Variants in USP9X observed in about 807,000 individuals in gnomAD.
USP9X encodes ubiquitin carboxyl-terminal hydrolase 9X.
Under a neutral mutation model 190.3 loss-of-function variants are expected in USP9X, and 7 were observed. The observed-to-expected ratio is 0.04, with a 90% CI of 0.02 to 0.07. The LOEUF (loss-of-function observed/expected upper bound fraction) is 0.07. Among genes scored for constraint, USP9X ranks in the 10% least tolerant of loss-of-function variants. The probability of loss-of-function intolerance (pLI) is 1.00; values close to 1 mark genes in which losing one functional copy is unlikely to be tolerated. For synonymous variants in USP9X, 645 were observed against 659.5 expected, an observed-to-expected ratio of 0.98 and a Z score of 0.34; for missense variants, 1,010 against 1,916.9, an observed-to-expected ratio of 0.53 and a Z score of 8.83.
intron 1 of USP9X, among the ~76,000 whole-genome samples, chrX:41,093,536 G>T (rs2061968591): frequency 9.0e-6 from 1 of 111,469 alleles, no homozygotes; most frequent in Non-Finnish European, 1.9e-5. Flanking sequence ...TAGAGTTGGG[G>T]TTTCTCCATG....
At chrX:41,220,486 A>G (rs2063251208) in intron 38 of USP9X, among the ~76,000 whole-genome samples, 1 of 112,592 alleles carries the variant, frequency 8.9e-6, no homozygotes, top group Admixed American at 9.4e-5. Flanking sequence ...GGCAGTGCAT[A>G]TACCAACATC....
intron 14 of USP9X, among the ~76,000 whole-genome samples, chrX:41,160,237 C>T (rs1393577572): frequency 9.2e-6 from 1 of 108,613 alleles, no homozygotes; most frequent in Non-Finnish European, 1.9e-5. Context: ...GTGGATTATC[C>T]TCCTCATTTG....
At chrX:41,223,081 T>C in intron 38 of USP9X, 136 bp from the exon 39 acceptor site, 1 of 618,409 alleles carries the variant, frequency 1.6e-6, no homozygotes, top group Non-Finnish European at 2.4e-6. Context: ...AAATCAAAAT[T>C]TTTCTGATCA....
At chrX:41,232,218 T>TG (rs1304583409) in intron 44 of USP9X, among the ~76,000 whole-genome samples, 169 bp from the exon 45 acceptor site, 3 of 57,200 alleles carry the variant, frequency 5.2e-5, no homozygotes, top group African/African-American at 6.9e-5. Context: ...TTTTCAAGCC[T>TG]TTTTTTGTTT....
At chrX:41,102,418 G>A (rs1053607169) in intron 1 of USP9X, among the ~76,000 whole-genome samples, 2 of 110,599 alleles carry the variant, frequency 1.8e-5, no homozygotes, top group African/African-American at 6.6e-5. Flanking sequence ...AGGAGTTCAA[G>A]ACCAGCCTGG....
intron 1 of USP9X, among the ~76,000 whole-genome samples, chrX:41,105,392 A>G (rs2146946016): frequency 8.9e-6 from 1 of 112,300 alleles, no homozygotes; most frequent in African/African-American, 3.2e-5. Flanking sequence ...TCATAAGTGG[A>G]ATCATAAAAT....
At chrX:41,180,823 A>C (rs1370435484) in intron 21 of USP9X, among the ~76,000 whole-genome samples, 2 of 112,058 alleles carry the variant, frequency 1.8e-5, no homozygotes, top group East Asian at 2.8e-4. Flanking sequence ...TGTGTCTAAA[A>C]CGTGGTAATA....
intron 26 of USP9X, among the ~76,000 whole-genome samples, chrX:41,191,802 G>A (rs1247230514): frequency 8.9e-6 from 1 of 112,121 alleles, no homozygotes. Context: ...AATTGGAAAG[G>A]CCATAACTTA....
intron 1 of USP9X, among the ~76,000 whole-genome samples, chrX:41,100,644 A>C: frequency 1.8e-5 from 2 of 111,099 alleles, no homozygotes; most frequent in South Asian, 7.5e-4. Context: ...TTTTTTATTT[A>C]TTTAAAAAAA....
chrX:41,189,448 T>C lies in USP9X; in HGVS notation c.3950T>C (p.Ile1317Thr). ...SKEKAWQTFI[I>T]DLLLHCHSKT... ...GAAAAGGCTTGGCAGACATTCATCA[T>C]TGACTTACTATTGCACTGTCACAGC... Residue 1317 changes from isoleucine to threonine, a missense_variant, in exon 26 of 45, where the codon ATT becomes ACT. By Grantham distance (89) the Ile-to-Thr change is moderately conservative. Transcript: ENST00000378308. The C allele has an allele frequency of 8.3e-7, 1 of 1,210,592 alleles. No homozygotes were observed.
At position 41,148,515 on chromosome X, in the gene USP9X, A is replaced by G; in HGVS notation, c.1566A>G (p.Val522=). The change falls in exon 12 of 45, where the codon GTA becomes GTG. Residue 522 remains valine (V), a synonymous_variant. Coordinates refer to ENST00000378308, the MANE Select transcript of USP9X (RefSeq NM_001039591.3). ...WNLAHSDDVP[V]DIMDLALSAH... is the part of the protein sequence containing the mutation. ...TGGCTCACAGTGATGATGTGCCTGT[A>G]GATATCATGGACCTGGCTCTCAGTG... is the stretch of plus-strand genomic sequence containing the variant. 8.3e-7 allele frequency: 1 copy of G among 1,211,965 alleles called. No individual in the cohort carries two copies.
At chrX:41,129,881 A>G (rs1197460913) in intron 3 of USP9X, among the ~76,000 whole-genome samples, 1 of 111,593 alleles carries the variant, frequency 9.0e-6, no homozygotes, top group East Asian at 2.8e-4. Context: ...TTTAAATTTC[A>G]TTTTCTAAAA....
rs770406658 is a variant in USP9X at position 41,200,999 on chromosome X, A to G, written c.4604-61A>G. The G allele has an allele frequency of 3.8e-5, 43 of 1,120,249 alleles. No individual in the cohort carries two copies. In the Admixed American group the frequency reaches 5.0e-4, roughly 13 times the overall value. The allele number at this position is 1,120,249 out of a possible 1,213,427, so 92.3% of individuals were successfully genotyped here. ...ATTGCCAGGGTTGCTTTGTCAGCATAATAGAGTTTGAAAGGACAGAATGGC... is the reference window on the plus strand; with the variant it reads ...ATTGCCAGGGTTGCTTTGTCAGCATGATAGAGTTTGAAAGGACAGAATGGC... On this transcript the variant is annotated intron_variant, in intron 30 of 44. Coordinates refer to ENST00000378308, the MANE Select transcript of USP9X (RefSeq NM_001039591.3).
Position 41,235,318 on chromosome X carries a change from G to A in USP9X, c.*2794G>A, listed in dbSNP as rs1050735853. On this transcript the variant is annotated 3_prime_UTR_variant, in exon 45 of 45. Transcript: ENST00000378308. Reference sequence around the variant, plus strand: ...CATGTTGTTGCAAGAGCAACATAATGGTGATTTTGAGGTCTTTTTCTGAAC... The same window carrying A: ...CATGTTGTTGCAAGAGCAACATAATAGTGATTTTGAGGTCTTTTTCTGAAC... 6 of 112,869 alleles carry A rather than the reference G, an allele frequency of 5.3e-5. No homozygotes were observed. The highest frequency in any genetic ancestry group is 1.9e-4 in the African/African-American group (6 of 31,005). 9.3% of individuals were successfully genotyped at this position (112,869 alleles called of 1,213,427 possible).
chrX:41,118,687 GA>G (rs957777243), intron 1 of USP9X, among the ~76,000 whole-genome samples: 1 of 109,998 alleles, frequency 9.1e-6, no homozygotes, highest in South Asian at 3.8e-4. Flanking sequence ...TTATTTTCGG[GA>G]AAAAAAACAG....
At chrX:41,137,172 T>C in intron 6 of USP9X, 150 bp downstream of exon 6, 5 of 523,951 alleles carry the variant, frequency 9.5e-6, no homozygotes, top group Non-Finnish European at 1.5e-5. Flanking sequence ...AGCTTTGTCG[T>C]TCTAGTTCTT....
intron 1 of USP9X, among the ~76,000 whole-genome samples, chrX:41,092,173 C>G (rs113024408): frequency 0.13 from 14,831 of 111,012 alleles, 900 homozygotes; most frequent in East Asian, 0.21. Flanking sequence ...GGTGATCGTG[C>G]ATATTAGATC....
chrX:41,170,727 A>G (rs955895157), intron 20 of USP9X, 108 bp downstream of exon 20: 16 of 798,474 alleles, frequency 2.0e-5, no homozygotes, highest in Non-Finnish European at 2.7e-5. Context: ...TTACAGTTTA[A>G]TGAGACAAAA....
intron 39 of USP9X, among the ~76,000 whole-genome samples, chrX:41,224,186 G>A (rs1458180493): frequency 9.1e-6 from 1 of 109,921 alleles, no homozygotes; most frequent in African/African-American, 3.3e-5. Context: ...CAGCCTAGGT[G>A]ACACAGTGAG....
Sources: allele counts gnomAD v4.1 joint callset (sites outside exome capture counted in the v4.1 genomes callset), GRCh38; gene constraint gnomAD v4.1.1; transcripts MANE v1.5; gene names NCBI Gene and HGNC (gene_info 2026-07-23, HGNC 2026-07-21).